SEZ6L: variants seen among roughly 807,000 people sequenced by gnomAD.
SEZ6L encodes the protein seizure 6-like protein.
In SEZ6L, 37 loss-of-function variants were observed where a neutral mutation model predicts 106.2. The observed-to-expected ratio is 0.35, with a 90% CI of 0.27 to 0.46. The LOEUF (loss-of-function observed/expected upper bound fraction) is 0.46, where lower values mean the gene tolerates loss of function less well. Among genes scored for constraint, SEZ6L ranks in the 20% least tolerant of loss-of-function variants. The probability of loss-of-function intolerance (pLI) is 1.00; values close to 1 mark genes in which losing one functional copy is unlikely to be tolerated. For missense variants in SEZ6L, 1,172 were observed against 1,332.8 expected, an observed-to-expected ratio of 0.88 and a Z score of 1.88; for synonymous variants, 541 against 570.4, an observed-to-expected ratio of 0.95 and a Z score of 0.73.
At chr22:26,360,594 A>AT (rs1296101410) in intron 12 of SEZ6L, among the ~76,000 whole-genome samples, 1 of 152,120 alleles carries the variant, frequency 6.6e-6, no homozygotes, top group Non-Finnish European at 1.5e-5. Flanking sequence ...CCTGCTGGTC[A>AT]TTTTTCTGCA....
chr22:26,342,108 G>A lies in SEZ6L; in HGVS notation c.2212+1476G>A, dbSNP rs186498152. ...CACCCCCAATATTTTGGGCAGCAGC[G>A]GAGAACCTGGGAGACACAGAGGGTA... On this transcript the variant is annotated intron_variant, in intron 10 of 16. Coordinates refer to ENST00000248933, the MANE Select transcript of SEZ6L (RefSeq NM_021115.5). 7.8e-3 allele frequency among the ~76,000 whole-genome samples: 1,183 copies of A among 152,282 alleles called. 11 individuals are homozygous for A. Among genetic ancestry groups the A allele is most frequent in the Non-Finnish European group, 0.01 (698 of 68,016 alleles).
rs757195212 is a variant in SEZ6L at position 26,375,638 on chromosome 22, C to T, written c.2891C>T (p.Pro964Leu). ...AACATGGCCCTGGCTATCTTCATCC[C>T]GGTCCTCATCATCTCCTTACTGCTG... Reference protein sequence around the residue: ...GGNMALAIFIPVLIISLLLGG... With the variant: ...GGNMALAIFILVLIISLLLGG... The change falls in exon 15 of 17, where the codon CCG (proline) becomes CTG (leucine). Residue 964 changes from proline to leucine, a missense_variant. Transcript: ENST00000248933. The T allele has an allele frequency of 9.3e-6, 15 of 1,613,964 alleles. No homozygotes were observed. Among genetic ancestry groups the T allele is most frequent in the African/African-American group, 1.3e-5 (1 of 74,882 alleles).
intron 1 of SEZ6L, among the ~76,000 whole-genome samples, chr22:26,291,097 A>C (rs1569446733): frequency 6.6e-6 from 1 of 152,202 alleles, no homozygotes; most frequent in African/African-American, 2.4e-5. Context: ...TTACATATAT[A>C]CCCAAAGGAA....
rs17395296 is a variant in SEZ6L at position 26,293,139 on chromosome 22, G to A, written c.828G>A (p.Gln276=). 156,555 of 1,538,390 alleles carry A rather than the reference G, an allele frequency of 0.1. 8,776 individuals are homozygous for A. The highest frequency in any genetic ancestry group is 0.11 in the Non-Finnish European group (128,863 of 1,150,820). The change falls in exon 2 of 17, where the codon CAG becomes CAA. Residue 276 remains glutamine, a synonymous_variant. Transcript: ENST00000248933. Reference sequence around the variant, plus strand: ...CCACCACGGTCATCACCACCGAGCAGGCACCAGGTATGCAGCCCCCAACTC... The same window carrying A: ...CCACCACGGTCATCACCACCGAGCAAGCACCAGGTATGCAGCCCCCAACTC... ...IITTTVITTE[Q]APALCSVSFS...
chr22:26,238,110 G>A (rs1424542594), intron 1 of SEZ6L, among the ~76,000 whole-genome samples: 1 of 152,196 alleles, frequency 6.6e-6, no homozygotes, highest in Non-Finnish European at 1.5e-5. Context: ...CGGGATTTGA[G>A]CAAATCATGT....
Position 26,340,494 on chromosome 22 carries a change from C to A in SEZ6L, c.2074C>A (p.His692Asn). The A allele has an allele frequency of 6.2e-7, 1 of 1,614,032 alleles. No individual in the cohort carries two copies. The highest frequency in any genetic ancestry group is 8.5e-7 in the Non-Finnish European group (1 of 1,179,970). The change falls in exon 10 of 17, where the codon CAC becomes AAC. Residue 692 changes from histidine to asparagine, a missense_variant. Physicochemically the swap from His to Asn is moderately conservative, Grantham distance 68 (BLOSUM62 1). Coordinates refer to ENST00000248933, the MANE Select transcript of SEZ6L (RefSeq NM_021115.5). ...CTACGATGGCGACGAGGTCATGCCCCACATCTTGGGGCAGTACCTTGGGAA... is the reference window on the plus strand; with the variant it reads ...CTACGATGGCGACGAGGTCATGCCCAACATCTTGGGGCAGTACCTTGGGAA... ...TIYDGDEVMPHILGQYLGNSG... is the reference protein window; with the variant it reads ...TIYDGDEVMPNILGQYLGNSG...
At chr22:26,239,700 G>A (rs1246425014) in intron 1 of SEZ6L, among the ~76,000 whole-genome samples, 1 of 152,084 alleles carries the variant, frequency 6.6e-6, no homozygotes, top group African/African-American at 2.4e-5. Context: ...TCTTCCCCTG[G>A]TTTCTTATCA....
At chr22:26,243,701 G>A (rs531944590) in intron 1 of SEZ6L, among the ~76,000 whole-genome samples, 11 of 152,308 alleles carry the variant, frequency 7.2e-5, no homozygotes, top group African/African-American at 2.6e-4. Context: ...GTTGAGAAGA[G>A]ATTATAAAAA....
intron 1 of SEZ6L, among the ~76,000 whole-genome samples, chr22:26,274,358 GTAGGACCTTGGATATAGGACCATGAATA>G (rs1208563515): frequency 0.29 from 43,632 of 150,956 alleles, 7,091 homozygotes; most frequent in Non-Finnish European, 0.37. Flanking sequence ...GACCTTGAAT[GTAGGACCTTGGATATAGGACCATGAATA>G]TAGGACCTGA....
In SEZ6L at chr22:26,338,955, C is replaced by T. The variant is rs182155320; in HGVS notation, c.2016-1481C>T. Reference sequence around the variant, plus strand: ...CTGGCCTCAAGCAATCCTCCCACCTCAGCCTCCAAAAGTGCTGGGATTACA... The same window carrying T: ...CTGGCCTCAAGCAATCCTCCCACCTTAGCCTCCAAAAGTGCTGGGATTACA... On this transcript the variant is annotated intron_variant, in intron 9 of 16. Coordinates refer to ENST00000248933, the MANE Select transcript of SEZ6L (RefSeq NM_021115.5). Among the ~76,000 whole-genome samples the T allele has an allele frequency of 2.0e-5, 3 of 149,872 alleles. No individual in the cohort carries two copies. In the East Asian group the frequency reaches 5.9e-4, roughly 29 times the overall value.
chr22:26,321,382 C>G (rs1164213028), intron 9 of SEZ6L, among the ~76,000 whole-genome samples: 1 of 152,212 alleles, frequency 6.6e-6, no homozygotes, highest in African/African-American at 2.4e-5. Flanking sequence ...GAATGCGACT[C>G]AGCAGCGCCT....
intron 1 of SEZ6L, among the ~76,000 whole-genome samples, chr22:26,246,316 G>T (rs544979926): frequency 1.3e-5 from 2 of 152,192 alleles, no homozygotes; most frequent in South Asian, 4.2e-4. Flanking sequence ...AGTCCACATC[G>T]TATTACTAAC....
intron 1 of SEZ6L, among the ~76,000 whole-genome samples, chr22:26,242,259 C>T (rs1055157100): frequency 3.9e-5 from 6 of 152,222 alleles, no homozygotes; most frequent in Non-Finnish European, 8.8e-5. Context: ...CTAACACAAC[C>T]TCGGGGCTGC....
chr22:26,231,610 A>G (rs1368049896), intron 1 of SEZ6L, among the ~76,000 whole-genome samples: 1 of 152,178 alleles, frequency 6.6e-6, no homozygotes, highest in Non-Finnish European at 1.5e-5. Flanking sequence ...CTAGAAGTAG[A>G]CTTGCTGTCC....
chr22:26,174,531 G>T (rs1938848723), intron 1 of SEZ6L, among the ~76,000 whole-genome samples: 1 of 152,198 alleles, frequency 6.6e-6, no homozygotes, highest in Admixed American at 6.5e-5. Context: ...GTTCGCTGTT[G>T]TCCACTAGAG....
chr22:26,322,942 C>A (rs2082197329), intron 9 of SEZ6L, among the ~76,000 whole-genome samples: 1 of 152,212 alleles, frequency 6.6e-6, no homozygotes, highest in Non-Finnish European at 1.5e-5. Context: ...TCTCTCCACA[C>A]CCCTTCCCCA....
chr22:26,322,763 C>A (rs1170273855), intron 9 of SEZ6L, among the ~76,000 whole-genome samples: 1 of 152,132 alleles, frequency 6.6e-6, no homozygotes, highest in African/African-American at 2.4e-5. Context: ...GAGTCAGGAG[C>A]CCTCAGGCTA....
intron 1 of SEZ6L, among the ~76,000 whole-genome samples, chr22:26,274,484 C>T (rs990805604): frequency 1.2e-4 from 18 of 152,288 alleles, no homozygotes; most frequent in African/African-American, 4.3e-4. Context: ...ACTTAGGGAG[C>T]TGCTCTCAGA....
intron 5 of SEZ6L, among the ~76,000 whole-genome samples, chr22:26,299,562 CAT>C (rs1398514138): frequency 8.5e-5 from 13 of 152,216 alleles, no homozygotes; most frequent in African/African-American, 3.1e-4. Flanking sequence ...TAAATGGAAT[CAT>C]ATAATATGTG....
Sources: allele counts gnomAD v4.1 joint callset (sites outside exome capture counted in the v4.1 genomes callset), GRCh38; gene constraint gnomAD v4.1.1; transcripts MANE v1.5; gene names NCBI Gene and HGNC (gene_info 2026-07-23, HGNC 2026-07-21).